STK3: variants seen among roughly 807,000 people sequenced by gnomAD.
STK3 encodes the protein serine/threonine-protein kinase 3.
Under a neutral mutation model 58.0 loss-of-function variants are expected in STK3, and 41 were observed. The ratio of observed to expected loss-of-function variants is 0.71; its 90% CI spans 0.55 to 0.92. STK3 has a LOEUF of 0.92. Among genes scored for constraint, STK3 ranks in the 40% least tolerant of loss-of-function variants. The pLI is 0.00. For synonymous variants in STK3, 170 were observed against 191.0 expected (o/e 0.89, Z 0.91); for missense variants, 479 against 602.7 (o/e 0.79, Z 2.15).
At chr8:98,472,476 T>C (rs925213713) in intron 10 of STK3, among the ~76,000 whole-genome samples, 2 of 152,194 alleles carry the variant, frequency 1.3e-5, no homozygotes, top group Non-Finnish European at 2.9e-5. Flanking sequence ...AATCATAATA[T>C]ATTTTACAGT....
chr8:98,462,484 TAG>T (rs1380740525), intron 10 of STK3, among the ~76,000 whole-genome samples: 10 of 152,160 alleles, frequency 6.6e-5, no homozygotes, highest in African/African-American at 1.9e-4. Flanking sequence ...TTGTGGGAGA[TAG>T]AGTGTTTTAC....
At chr8:98,519,138 T>C (rs1335345569) in intron 10 of STK3, among the ~76,000 whole-genome samples, 1 of 152,118 alleles carries the variant, frequency 6.6e-6, no homozygotes, top group African/African-American at 2.4e-5. Flanking sequence ...GTTTCCTCAG[T>C]CCACAGAACT....
intron 6 of STK3, among the ~76,000 whole-genome samples, chr8:98,654,154 C>T (rs554081575): frequency 8.5e-5 from 13 of 152,282 alleles, no homozygotes; most frequent in African/African-American, 3.1e-4. Flanking sequence ...TTGGATTCAT[C>T]CCTGGGATGC....
At chr8:98,669,602 G>A (rs550241012) in intron 6 of STK3, among the ~76,000 whole-genome samples, 2 of 152,232 alleles carry the variant, frequency 1.3e-5, no homozygotes, top group African/African-American at 4.8e-5. Flanking sequence ...GAAACTACAT[G>A]TTCTAACATG....
chr8:98,688,584 C>A (rs1258548997), intron 6 of STK3, among the ~76,000 whole-genome samples: 1 of 151,994 alleles, frequency 6.6e-6, no homozygotes, highest in Admixed American at 6.6e-5. Context: ...TTTCAGACCA[C>A]AATGGAATAA....
At chr8:98,814,317 C>G (rs1480697308) in intron 1 of STK3, among the ~76,000 whole-genome samples, 3 of 150,350 alleles carry the variant, frequency 2.0e-5, no homozygotes, top group African/African-American at 7.4e-5. Context: ...TCCCAAAGTT[C>G]TGGGATTACA....
At chr8:98,501,020 C>T (rs532106125) in intron 10 of STK3, among the ~76,000 whole-genome samples, 1 of 152,270 alleles carries the variant, frequency 6.6e-6, no homozygotes, top group South Asian at 2.1e-4. Context: ...GTTTACACTC[C>T]CAGCAACAGT....
At chr8:98,509,429 A>G (rs1824335070) in intron 10 of STK3, among the ~76,000 whole-genome samples, 1 of 152,074 alleles carries the variant, frequency 6.6e-6, no homozygotes, top group African/African-American at 2.4e-5. Context: ...ACTACAAACA[A>G]AAATACAAGT....
At chr8:98,544,900 T>C (rs6994486) in intron 9 of STK3, among the ~76,000 whole-genome samples, 2,872 of 152,174 alleles carry the variant, frequency 0.019, 108 homozygotes, top group African/African-American at 0.065. Flanking sequence ...CCATAAGACA[T>C]AGTTTCCCTC....
chr8:98,768,437 A>G (rs972770671), intron 2 of STK3, among the ~76,000 whole-genome samples: 1 of 152,210 alleles, frequency 6.6e-6, no homozygotes, highest in Non-Finnish European at 1.5e-5. Context: ...CAAATAAGTG[A>G]TAACGCGGCT....
At chr8:98,657,844 A>G (rs191074243) in intron 6 of STK3, among the ~76,000 whole-genome samples, 18 of 152,232 alleles carry the variant, frequency 1.2e-4, no homozygotes, top group Admixed American at 9.2e-4. Context: ...AACTAGAATA[A>G]CAGTCTACCT....
intron 3 of STK3, among the ~76,000 whole-genome samples, chr8:98,419,659 T>C (rs762626770): frequency 7.2e-5 from 11 of 152,168 alleles, no homozygotes; most frequent in Non-Finnish European, 1.5e-4. Flanking sequence ...GCCCCCTGTC[T>C]CCACCTTGGG....
chr8:98,575,358 T>C (rs1361651734), intron 8 of STK3, among the ~76,000 whole-genome samples: 1 of 150,036 alleles, frequency 6.7e-6, no homozygotes, highest in Non-Finnish European at 1.5e-5. Context: ...TTTTTTTTAA[T>C]TGAGGTGAAC....
intron 1 of STK3, among the ~76,000 whole-genome samples, chr8:98,923,021 T>C (rs1295391209): frequency 6.6e-6 from 1 of 152,242 alleles, no homozygotes; most frequent in East Asian, 1.9e-4. Flanking sequence ...TGACCTCATT[T>C]CATGTAGAGC....
intron 10 of STK3, among the ~76,000 whole-genome samples, chr8:98,485,168 G>A (rs1822150872): frequency 6.6e-6 from 1 of 152,026 alleles, no homozygotes. Context: ...TTGAACCCAG[G>A]AGGCAGAGGT....
intron 4 of STK3, among the ~76,000 whole-genome samples, chr8:98,711,588 AG>A (rs1432407734): frequency 1.3e-5 from 2 of 152,210 alleles, no homozygotes; most frequent in African/African-American, 2.4e-5. Flanking sequence ...TAGAGAAAAA[AG>A]AATAAAAAGA....
chr8:98,923,872 C>CGCGT (rs1839680389), intron 1 of STK3, among the ~76,000 whole-genome samples: 1 of 142,746 alleles, frequency 7.0e-6, no homozygotes, highest in Admixed American at 7.2e-5. Context: ...CGCGCGCGCG[C>CGCGT]GCGCGTTGAC....
intron 3 of STK3, chr8:98,413,316 AATTT>A: frequency 2.1e-6 from 1 of 481,094 alleles, no homozygotes; most frequent in Non-Finnish European, 4.1e-6. Flanking sequence ...TGCCTGGCCT[AATTT>A]TGTTTTTGAT....
rs1485720275 is a variant in STK3, at chr8:98,633,463, T to G, written c.685-37294A>C. 1.0e-5 allele frequency: 6 copies of G among 583,364 alleles called. No homozygotes were observed. In the African/African-American group the frequency reaches 1.1e-4, roughly 11 times the overall value. 36.1% of individuals were successfully genotyped at this position (583,364 alleles called of 1,614,324 possible). ...GACTGCAGATTATTAAATCAGTTGGTACTGATCCAGAAGAAGGTAGAACGA... is the reference window on the plus strand; with the variant it reads ...GACTGCAGATTATTAAATCAGTTGGGACTGATCCAGAAGAAGGTAGAACGA... On this transcript the variant is annotated intron_variant, in intron 6 of 10. Coordinates refer to ENST00000419617, the MANE Select transcript of STK3 (RefSeq NM_006281.4).
Sources: gnomAD v4.1 joint callset for allele counts (sites outside exome capture counted in the v4.1 genomes callset) on GRCh38, gnomAD v4.1.1 for gene constraint, MANE v1.5 for transcripts, NCBI Gene and HGNC (gene_info 2026-07-23, HGNC 2026-07-21) for gene names.